Variants in PHKB observed in about 807,000 individuals in gnomAD.
PHKB encodes phosphorylase b kinase regulatory subunit beta.
A neutral mutation model predicts 152.1 loss-of-function variants in PHKB; 122 were observed. The ratio of observed to expected loss-of-function variants is 0.80; its 90% CI spans 0.69 to 0.93. The LOEUF is 0.93. Ranked by LOEUF, PHKB falls within the 40% of genes least tolerant of loss-of-function variation. PHKB has a pLI of 0.00. For missense variants in PHKB, 1,304 were observed against 1,328.4 expected, an observed-to-expected ratio of 0.98 and a Z score of 0.29; for synonymous variants, 436 against 464.9, an observed-to-expected ratio of 0.94 and a Z score of 0.80.
chr16:47,619,524 C>G (rs1972581143), intron 14 of PHKB: 1 of 152,138 alleles, frequency 6.6e-6, no homozygotes, highest in Non-Finnish European at 1.5e-5. Context: ...AAATCTATAA[C>G]AGTAATTTTA....
chr16:47,524,145 T>C (rs944647776), intron 6 of PHKB, among the ~76,000 whole-genome samples: 1 of 152,114 alleles, frequency 6.6e-6, no homozygotes, highest in Non-Finnish European at 1.5e-5. Context: ...TCTGAAAAAG[T>C]TTGATGAGTT....
intron 1 of PHKB, among the ~76,000 whole-genome samples, chr16:47,471,080 C>A (rs931589567): frequency 1.3e-5 from 2 of 152,158 alleles, no homozygotes; most frequent in Non-Finnish European, 2.9e-5. Flanking sequence ...TTACTTAACA[C>A]CACTCATCAG....
At chr16:47,629,155 A>G (rs1014582003) in intron 14 of PHKB, among the ~76,000 whole-genome samples, 1 of 152,210 alleles carries the variant, frequency 6.6e-6, no homozygotes, top group African/African-American at 2.4e-5. Context: ...ATGGCAACAA[A>G]AGCCAAAATT....
At chr16:47,540,819 GTTTTTT>G (rs75589113) in intron 6 of PHKB, among the ~76,000 whole-genome samples, 1 of 64,284 alleles carries the variant, frequency 1.6e-5, no homozygotes, top group African/African-American at 6.4e-5. Flanking sequence ...TAAATGTCCT[GTTTTTT>G]TTTTTTTTTT....
chr16:47,541,076 C>T (rs544438769), intron 6 of PHKB, among the ~76,000 whole-genome samples: 55 of 151,958 alleles, frequency 3.6e-4, no homozygotes, highest in South Asian at 1.2e-3. Flanking sequence ...ATACATGTAC[C>T]GTGTTGGTTT....
At chr16:47,549,800 A>G (rs1334489491) in intron 7 of PHKB, among the ~76,000 whole-genome samples, 1 of 152,232 alleles carries the variant, frequency 6.6e-6, no homozygotes, top group Admixed American at 6.5e-5. Context: ...GTCCCTGGTG[A>G]CAAAACAGGC....
chr16:47,638,866 T>C (rs1597142081), intron 14 of PHKB, among the ~76,000 whole-genome samples: 1 of 152,360 alleles, frequency 6.6e-6, no homozygotes, highest in East Asian at 1.9e-4. Context: ...TGTGTTTGTC[T>C]GTAACCTATA....
At chr16:47,582,266 T>C (rs769672880) in intron 8 of PHKB, among the ~76,000 whole-genome samples, 1 of 152,188 alleles carries the variant, frequency 6.6e-6, no homozygotes. Context: ...ACCTGAGTCT[T>C]AGTGTATGTT....
intron 16 of PHKB, among the ~76,000 whole-genome samples, chr16:47,642,321 A>C (rs554908408): frequency 1.3e-5 from 2 of 152,294 alleles, no homozygotes; most frequent in African/African-American, 4.8e-5. Flanking sequence ...GATGTAGTTC[A>C]ATACCTATTT....
rs1359415873 is a variant in PHKB at position 47,653,501 on chromosome 16, C to T, written c.1971+2580C>T. Among the ~76,000 whole-genome samples the T allele has an allele frequency of 2.0e-5, 3 of 152,244 alleles. No individual in the cohort carries two copies. The South Asian group carries it at 6.2e-4, about 32-fold the overall frequency. On this transcript the variant is annotated intron_variant, in intron 20 of 30. Coordinates refer to ENST00000323584, the MANE Select transcript of PHKB (RefSeq NM_000293.3). Reference sequence around the variant, plus strand: ...TAGGGTCCTGAGGCTCTTTCCTGTTCTCTTTGTCCTAATGGATTTATACCT... The same window carrying T: ...TAGGGTCCTGAGGCTCTTTCCTGTTTTCTTTGTCCTAATGGATTTATACCT...
chr16:47,686,203 C>T (rs1973962487), intron 26 of PHKB, among the ~76,000 whole-genome samples: 1 of 152,152 alleles, frequency 6.6e-6, no homozygotes, highest in African/African-American at 2.4e-5. Flanking sequence ...TTAAGGTCTC[C>T]AGCTATCTTT....
chr16:47,474,131 T>C (rs923752774), intron 1 of PHKB, among the ~76,000 whole-genome samples: 4 of 152,246 alleles, frequency 2.6e-5, no homozygotes, highest in Non-Finnish European at 5.9e-5. Flanking sequence ...TCTTTTAAAG[T>C]TCTGATATAT....
intron 5 of PHKB, among the ~76,000 whole-genome samples, chr16:47,515,172 T>C (rs1213518225): frequency 6.6e-6 from 1 of 152,228 alleles, no homozygotes; most frequent in Non-Finnish European, 1.5e-5. Context: ...GACCCAAAGC[T>C]TGAAAATAAA....
At chr16:47,486,594 A>G (rs762587149) in intron 1 of PHKB, among the ~76,000 whole-genome samples, 19 of 152,120 alleles carry the variant, frequency 1.2e-4, no homozygotes, top group Non-Finnish European at 2.6e-4. Context: ...GTATGTTCAT[A>G]TACAAGCCTC....
intron 26 of PHKB, among the ~76,000 whole-genome samples, chr16:47,671,143 TA>T (rs1341993694): frequency 2.0e-5 from 3 of 152,220 alleles, no homozygotes; most frequent in African/African-American, 4.8e-5. Flanking sequence ...TTACCATGCA[TA>T]AAAAACAATT....
At chr16:47,643,344 C>G (rs1973059026) in intron 16 of PHKB, among the ~76,000 whole-genome samples, 1 of 152,184 alleles carries the variant, frequency 6.6e-6, no homozygotes, top group Non-Finnish European at 1.5e-5. Flanking sequence ...TTACAGTTCA[C>G]TTTGATAACT....
At chr16:47,693,594 C>A in intron 28 of PHKB, 87 bp downstream of exon 28, 1 of 1,364,402 alleles carries the variant, frequency 7.3e-7, no homozygotes, top group East Asian at 2.3e-5. Flanking sequence ...TAACTTTTCT[C>A]CTTTTCAGCG....
chr16:47,495,989 G>A (rs779977367), intron 1 of PHKB, among the ~76,000 whole-genome samples: 2 of 151,152 alleles, frequency 1.3e-5, no homozygotes, highest in Non-Finnish European at 3.0e-5. Context: ...CTTTCTTTAC[G>A]TTCTTCTTAT....
chr16:47,462,506 C>G (rs900489920), intron 1 of PHKB: 1 of 152,004 alleles, frequency 6.6e-6, no homozygotes, highest in East Asian at 1.9e-4. Context: ...TGGTGGCGGG[C>G]GCCTGTAACC....
Sources: gnomAD v4.1 joint callset for allele counts (sites outside exome capture counted in the v4.1 genomes callset) on GRCh38, gnomAD v4.1.1 for gene constraint, MANE v1.5 for transcripts, NCBI Gene and HGNC (gene_info 2026-07-23, HGNC 2026-07-21) for gene names.